BBS4: variants seen among roughly 807,000 people sequenced by gnomAD.
BBS4 encodes Bardet-Biedl syndrome 4.
Under a neutral mutation model 71.4 loss-of-function variants are expected in BBS4, and 58 were observed. The ratio of observed to expected loss-of-function variants is 0.81; its 90% CI spans 0.66 to 1.01. The LOEUF is 1.01. BBS4 is among the 50% of genes least tolerant of loss of function. The pLI is 0.00. For missense variants in BBS4, 660 were observed against 607.9 expected (o/e 1.09, Z -0.90); for synonymous variants, 228 against 216.8 (o/e 1.05, Z -0.46).
At chr15:72,718,867 G>A (rs535443323) in intron 6 of BBS4, among the ~76,000 whole-genome samples, 1 of 152,246 alleles carries the variant, frequency 6.6e-6, no homozygotes, top group South Asian at 2.1e-4. Context: ...GATATGATAA[G>A]TTTTAGGTTC....
chr15:72,727,465 C>T (rs1211580733), intron 8 of BBS4, among the ~76,000 whole-genome samples: 1 of 151,924 alleles, frequency 6.6e-6, no homozygotes, highest in Non-Finnish European at 1.5e-5. Context: ...TGGTATAGCT[C>T]TTTGTTTAAG....
At chr15:72,712,406 A>T (rs2065390477) in intron 4 of BBS4, 99 bp downstream of exon 4, 1 of 1,111,256 alleles carries the variant, frequency 9.0e-7, no homozygotes. Context: ...AAGTACAGTC[A>T]TGCACCACTT....
intron 1 of BBS4, among the ~76,000 whole-genome samples, chr15:72,688,244 G>C (rs76954903): frequency 0.013 from 1,981 of 151,864 alleles, 48 homozygotes; most frequent in African/African-American, 0.045. Flanking sequence ...GTTTTAAAGA[G>C]AATAGCTTTT....
In BBS4 at chr15:72,719,618, G is replaced by T. The variant is rs147586962; in HGVS notation, c.405+2768G>T. Among the ~76,000 whole-genome samples the T allele has an allele frequency of 5.8e-3, 879 of 152,194 alleles. 3 individuals carry two copies. The highest frequency in any genetic ancestry group is 0.017 in the Middle Eastern group (5 of 294). On this transcript the variant is annotated intron_variant, in intron 6 of 15. Transcript: ENST00000268057. ...AAGAGGTAAAGCAGGAGAGCTCAGGGTCACAGGGGGAATGGAACGTATTTC... is the reference window on the plus strand; with the variant it reads ...AAGAGGTAAAGCAGGAGAGCTCAGGTTCACAGGGGGAATGGAACGTATTTC...
chr15:72,724,774 G>T (rs1195005844), intron 8 of BBS4, 119 bp downstream of exon 8: 3 of 1,381,806 alleles, frequency 2.2e-6, no homozygotes, highest in Non-Finnish European at 2.0e-6. Flanking sequence ...TGAGTTAAAG[G>T]TTAAGCTGAA....
intron 1 of BBS4, among the ~76,000 whole-genome samples, chr15:72,689,778 C>CTCTT (rs1555496749): frequency 7.0e-6 from 1 of 142,112 alleles, no homozygotes; most frequent in African/African-American, 2.8e-5. Context: ...GCTTATAAAT[C>CTCTT]TTTTTATTTA....
chr15:72,703,983 G>C (rs925664974), intron 2 of BBS4, among the ~76,000 whole-genome samples: 2 of 152,140 alleles, frequency 1.3e-5, no homozygotes, highest in African/African-American at 2.4e-5. Flanking sequence ...TTCTTGAGGT[G>C]TCATGTTTAT....
chr15:72,707,352 A>AT (rs1175379792), intron 2 of BBS4, among the ~76,000 whole-genome samples: 3 of 151,052 alleles, frequency 2.0e-5, no homozygotes, highest in East Asian at 3.9e-4. Flanking sequence ...TAATTTTTGT[A>AT]TTTTTTTGTA....
chr15:72,686,793 C>G, intron 1 of BBS4: 1 of 353,752 alleles, frequency 2.8e-6, no homozygotes. Flanking sequence ...TCAGGATGAC[C>G]TAGTCGCTAT....
At chr15:72,690,208 CAG>C in intron 1 of BBS4, among the ~76,000 whole-genome samples, 1 of 152,230 alleles carries the variant, frequency 6.6e-6, no homozygotes, top group Middle Eastern at 3.4e-3. Context: ...GAGCAGAAAA[CAG>C]AAATTAGTAC....
chr15:72,712,663 T>TA (rs2065395643), intron 4 of BBS4, among the ~76,000 whole-genome samples: 1 of 152,168 alleles, frequency 6.6e-6, no homozygotes, highest in Non-Finnish European at 1.5e-5. Flanking sequence ...GTATAAAAGA[T>TA]AAAAAATAGT....
At chr15:72,729,360 C>A (rs1022436774) in intron 9 of BBS4, among the ~76,000 whole-genome samples, 1 of 150,922 alleles carries the variant, frequency 6.6e-6, no homozygotes, top group Non-Finnish European at 1.5e-5. Flanking sequence ...AAGCGATTCT[C>A]CTGCCTCAGC....
intron 12 of BBS4, 93 bp from the exon 13 acceptor site, chr15:72,735,020 C>A (rs1245447642): frequency 1.1e-6 from 1 of 881,064 alleles, no homozygotes; most frequent in Admixed American, 1.8e-5. Flanking sequence ...GTGCCATGAG[C>A]TGACAGGGTG....
chr15:72,719,992 G>A (rs1052524059), intron 6 of BBS4, among the ~76,000 whole-genome samples: 2 of 151,034 alleles, frequency 1.3e-5, no homozygotes, highest in East Asian at 2.0e-4. Flanking sequence ...GTTGTGATCC[G>A]CCCACCTTGG....
In BBS4 at chr15:72,738,105, CAAA is replaced by C; in HGVS notation, c.*520_*522del. On this transcript the variant is annotated 3_prime_UTR_variant, in exon 16 of 16. Transcript: ENST00000268057. ...TAGTATACATTTAAAAGAAAAAAAA[CAAA>C]AGCCCTGGAAGTTGAGGCCAAGCCT... 3 of 452,822 alleles carry C rather than the reference CAAA, an allele frequency of 6.6e-6. No individual in the cohort carries two copies. Among genetic ancestry groups the C allele is most frequent in the South Asian group, 4.7e-5 (3 of 64,180 alleles). 28.1% of individuals were successfully genotyped at this position (452,822 alleles called of 1,614,324 possible).
At chr15:72,692,797 T>C (rs2065011058) in intron 1 of BBS4, among the ~76,000 whole-genome samples, 1 of 151,428 alleles carries the variant, frequency 6.6e-6, no homozygotes, top group Non-Finnish European at 1.5e-5. Flanking sequence ...AGAGTCTCGC[T>C]GTTTTGCCCA....
chr15:72,705,326 A>C (rs2151010485), intron 2 of BBS4, among the ~76,000 whole-genome samples: 1 of 152,236 alleles, frequency 6.6e-6, no homozygotes, highest in South Asian at 2.1e-4. Flanking sequence ...GGAAACTATA[A>C]ATTTCCCAGG....
At chr15:72,688,988 TTTC>T (rs1429894626) in intron 1 of BBS4, among the ~76,000 whole-genome samples, 1 of 152,104 alleles carries the variant, frequency 6.6e-6, no homozygotes, top group Admixed American at 6.6e-5. Flanking sequence ...TTCTCCTTTC[TTTC>T]TTCTGCCTAT....
At chr15:72,732,182 GT>G (rs1000997748) in intron 12 of BBS4, among the ~76,000 whole-genome samples, 8 of 152,130 alleles carry the variant, frequency 5.3e-5, no homozygotes, top group African/African-American at 1.9e-4. Context: ...TTTGAAAACT[GT>G]TGGTTTTACT....
Sources: gnomAD v4.1 joint callset for allele counts (sites outside exome capture counted in the v4.1 genomes callset) on GRCh38, gnomAD v4.1.1 for gene constraint, MANE v1.5 for transcripts, NCBI Gene and HGNC (gene_info 2026-07-23, HGNC 2026-07-21) for gene names.